The following TNRC18 variants were observed in gnomAD, a reference collection of about 807,000 sequenced individuals.
TNRC18 encodes trinucleotide repeat-containing gene 18 protein.
In TNRC18, 69 loss-of-function variants were observed where a neutral mutation model predicts 226.7. The ratio of observed to expected loss-of-function variants is 0.30; its 90% CI spans 0.25 to 0.37. The LOEUF is 0.37. Ranked by LOEUF, TNRC18 falls within the 10% of genes least tolerant of loss-of-function variation. TNRC18 has a pLI of 1.00. For synonymous variants in TNRC18, 2,449 were observed against 1,927.6 expected, an observed-to-expected ratio of 1.27 and a Z score of -7.09; for missense variants, 4,754 against 4,256.6, an observed-to-expected ratio of 1.12 and a Z score of -3.25.
intron 11 of TNRC18, among the ~76,000 whole-genome samples, chr7:5,368,532 T>C (rs1385305553): frequency 1.3e-5 from 2 of 151,480 alleles, no homozygotes; most frequent in East Asian, 1.9e-4. Flanking sequence ...GGCATGGTGG[T>C]GCGTGCCTGT....
chr7:5,325,490 C>T, intron 19 of TNRC18: 1 of 441,416 alleles, frequency 2.3e-6, no homozygotes, highest in East Asian at 5.0e-5. Flanking sequence ...GTGGCGCGAT[C>T]TTGGCTCACT....
Position 5,313,365 on chromosome 7 carries a change from C to G in TNRC18, c.7526G>C (p.Gly2509Ala), listed in dbSNP as rs779039381. 6.4e-7 allele frequency: 1 copy of G among 1,573,496 alleles called. No homozygotes were observed. Among genetic ancestry groups the G allele is most frequent in the South Asian group, 1.2e-5 (1 of 86,408 alleles). The change falls in exon 27 of 30, where the codon GGC (glycine) becomes GCC (alanine). Residue 2509 changes from glycine to alanine, a missense_variant. Transcript: ENST00000430969. ...CCAGGGTGCCTTGGGCTCGCTGCTGCCGGCCGCGGGGGGATAGCTGCCCAG... is the reference window on the plus strand; with the variant it reads ...CCAGGGTGCCTTGGGCTCGCTGCTGGCGGCCGCGGGGGGATAGCTGCCCAG... ...LSLGSYPPAA[G>A]SSEPKAPWPK...
Position 5,359,433 on chromosome 7 carries a change from C to A in TNRC18, c.4798G>T (p.Asp1600Tyr). The A allele has an allele frequency of 6.2e-7, 1 of 1,614,038 alleles. No homozygotes were observed. The highest frequency in any genetic ancestry group is 1.3e-5 in the African/African-American group (1 of 75,056). ...AAGTCCGACGAGGCCTCATGTTCAT[C>A]CCAAGTCTGGTTCCTCCCCCTGGCT... ...GKARGRNQTWDEHEASSDFIS... is the reference protein window; with the variant it reads ...GKARGRNQTWYEHEASSDFIS... The change falls in exon 15 of 30, where the codon GAT becomes TAT. Residue 1600 changes from aspartate (D) to tyrosine (Y), a missense_variant. Asp to Tyr is a radical substitution (Grantham distance 160, BLOSUM62 -3). Transcript: ENST00000430969.
intron 4 of TNRC18, 135 bp from the exon 5 acceptor site, chr7:5,389,471 T>TTTTTTTTTATTTTTTTC: frequency 1.1e-6 from 1 of 923,914 alleles, no homozygotes; most frequent in Non-Finnish European, 1.4e-6. Context: ...GTTTTTTTTT[T>TTTTTTTTTATTTTTTTC]CAGAAAGAGT....
At position 5,345,517 on chromosome 7, in the gene TNRC18, G is replaced by GGCCCCCCCCCCCCC; in HGVS notation, c.5719+44_5719+45insGGGGGGGGGGGGGC. ...CCTGTGGGATGGGGCAATGGCGTCC[G>GGCCCCCCCCCCCCC]CCCCTCCCACCCACCCCCACCGCAG... is the stretch of plus-strand genomic sequence containing the variant. On this transcript the variant is annotated intron_variant, in intron 18 of 29. Coordinates refer to ENST00000430969, the MANE Select transcript of TNRC18 (RefSeq NM_001080495.3). The GGCCCCCCCCCCCCC allele has an allele frequency of 1.4e-4, 52 of 377,740 alleles. 4 individuals carry two copies. Among genetic ancestry groups the GGCCCCCCCCCCCCC allele is most frequent in the Middle Eastern group, 7.4e-4 (1 of 1,360 alleles). 23.4% of individuals were successfully genotyped at this position (377,740 alleles called of 1,614,324 possible).
rs1014432002 is a variant in TNRC18, at chr7:5,405,635, C to T, written c.188-11040G>A. Among the ~76,000 whole-genome samples, 6 of 150,996 alleles carry T rather than the reference C, an allele frequency of 4.0e-5. No individual in the cohort carries two copies. The East Asian group carries it at 5.9e-4, about 15-fold the overall frequency. On this transcript the variant is annotated intron_variant, in intron 2 of 29. Coordinates refer to ENST00000430969, the MANE Select transcript of TNRC18 (RefSeq NM_001080495.3). ...GCTTGTGCCTGTAGTCCCAGCTACGCGGGAGGTTGAGACAGGAGAATCACG... is the reference window on the plus strand; with the variant it reads ...GCTTGTGCCTGTAGTCCCAGCTACGTGGGAGGTTGAGACAGGAGAATCACG...
rs572827140 is a variant in TNRC18, at chr7:5,333,036, C to T, written c.5733G>A (p.Glu1911=). 26 of 1,576,706 alleles carry T rather than the reference C, an allele frequency of 1.6e-5. No homozygotes were observed. The highest frequency in any genetic ancestry group is 2.2e-5 in the Non-Finnish European group (26 of 1,169,494). Residue 1911 remains glutamate (E), a synonymous_variant, in exon 19 of 30, where the codon GAG becomes GAA. Coordinates refer to ENST00000430969, the MANE Select transcript of TNRC18 (RefSeq NM_001080495.3). Reference sequence around the variant, plus strand: ...TGACCTCGCTCTCTGAGTCGGTGTACTCGAACTCTGTGCCTGAACGCGGGA... The same window carrying T: ...TGACCTCGCTCTCTGAGTCGGTGTATTCGAACTCTGTGCCTGAACGCGGGA... The part of the protein sequence containing the change: ...ERQSLLGTEF[E]YTDSESEVKV...
In TNRC18 at chr7:5,320,435, G is replaced by T. The variant is rs1788228106; in HGVS notation, c.6637-9C>A. The stretch of plus-strand genomic sequence containing the variant: ...GGCCTCACATCGATGATCTAGAAGG[G>T]CATGGGATGAGTGCAAGGTGTGGAC... On this transcript the variant is annotated splice_polypyrimidine_tract_variant and intron_variant, in intron 23 of 29. Coordinates refer to ENST00000430969, the MANE Select transcript of TNRC18 (RefSeq NM_001080495.3). 3.2e-6 allele frequency: 5 copies of T among 1,561,862 alleles called. No individual in the cohort carries two copies. The highest frequency in any genetic ancestry group is 3.5e-6 in the Non-Finnish European group (4 of 1,153,082).
In TNRC18 at chr7:5,370,709, G is replaced by A. The variant is rs1437588828; in HGVS notation, c.3885C>T (p.Asp1295=). The change falls in exon 11 of 30, where the codon GAC becomes GAT. Residue 1295 remains aspartate (D), a synonymous_variant. Transcript: ENST00000430969. ...GTCCCTCCCCGGCGGGCACGTCACA[G>A]TCTGACATTTCTAGGGTGGGCTGGG... The part of the protein sequence containing the change: ...SESQPTLEMS[D]CDVPAGEGQC... 2 of 1,609,930 alleles carry A rather than the reference G, an allele frequency of 1.2e-6. No homozygotes were observed. The highest frequency in any genetic ancestry group is 2.7e-5 in the African/African-American group (2 of 74,846).
At chr7:5,319,366 C>G (rs568952116) in intron 24 of TNRC18, among the ~76,000 whole-genome samples, 18 of 152,160 alleles carry the variant, frequency 1.2e-4, no homozygotes, top group African/African-American at 4.3e-4. Flanking sequence ...CGGGGTTTGT[C>G]TAATCCACAT....
chr7:5,421,915 C>G (rs1345688626), intron 1 of TNRC18, among the ~76,000 whole-genome samples: 1 of 152,258 alleles, frequency 6.6e-6, no homozygotes, highest in African/African-American at 2.4e-5. Flanking sequence ...TCTCCCAAAA[C>G]ACTCTGGCAC....
chr7:5,358,791 G>C (rs1792723529), intron 15 of TNRC18, among the ~76,000 whole-genome samples: 1 of 152,036 alleles, frequency 6.6e-6, no homozygotes, highest in African/African-American at 2.4e-5. Context: ...TCCAGCCTGG[G>C]TGACTGAGTG....
intron 17 of TNRC18, among the ~76,000 whole-genome samples, chr7:5,349,901 C>A (rs913565208): frequency 6.6e-6 from 1 of 152,042 alleles, no homozygotes; most frequent in South Asian, 2.1e-4. Flanking sequence ...TGGAGGGGGG[C>A]ACTGAGGAGC....
Position 5,308,595 on chromosome 7 carries a change from A to AAGAT in TNRC18, c.8700+276_8700+279dup, listed in dbSNP as rs1217658923. 3.3e-5 allele frequency among the ~76,000 whole-genome samples: 5 copies of AAGAT among 152,220 alleles called. No homozygotes were observed. In the East Asian group the frequency reaches 9.6e-4, roughly 29 times the overall value. ...AGACCCAGAGAGACACAGAGACTGA[A>AAGAT]AGATAGAGGTTGGGAGAGACCCAGA... On this transcript the variant is annotated intron_variant, in intron 29 of 29. Transcript: ENST00000430969.
chr7:5,390,388 C>G (rs1358815048), intron 4 of TNRC18, 97 bp downstream of exon 4: 1 of 1,238,308 alleles, frequency 8.1e-7, no homozygotes, highest in Non-Finnish European at 1.1e-6. Context: ...AAGCCAGCAT[C>G]CTGGACAGAG....
chr7:5,363,559 G>T (rs532293530), intron 11 of TNRC18, among the ~76,000 whole-genome samples: 1 of 152,076 alleles, frequency 6.6e-6, no homozygotes, highest in Non-Finnish European at 1.5e-5. Flanking sequence ...AGCCGAGATG[G>T]CGCCACTGCA....
rs1786637564 is a variant in TNRC18, at chr7:5,307,275, T to A, written c.*831A>T. On this transcript the variant is annotated 3_prime_UTR_variant, in exon 30 of 30. Coordinates refer to ENST00000430969, the MANE Select transcript of TNRC18 (RefSeq NM_001080495.3). ...AGTTTATATATATATTTATATATATTTATCTTTATATATATAATTAAAAAG... is the reference window on the plus strand; with the variant it reads ...AGTTTATATATATATTTATATATATATATCTTTATATATATAATTAAAAAG... 2 of 149,416 alleles carry A rather than the reference T, an allele frequency of 1.3e-5. No individual in the cohort carries two copies. Among genetic ancestry groups the A allele is most frequent in the African/African-American group, 2.4e-5 (1 of 41,020 alleles). The allele number at this position is 149,416 out of a possible 1,614,324, so 9.3% of individuals were successfully genotyped here.
chr7:5,390,852 C>T (rs916274697), intron 3 of TNRC18, among the ~76,000 whole-genome samples: 3 of 152,002 alleles, frequency 2.0e-5, no homozygotes, highest in African/African-American at 7.3e-5. Flanking sequence ...TCCAGTCCCC[C>T]CCAGAAAGAG....
At chr7:5,341,305 C>T (rs6962843) in intron 18 of TNRC18, among the ~76,000 whole-genome samples, 1 of 150,252 alleles carries the variant, frequency 6.7e-6, no homozygotes, top group Non-Finnish European at 1.5e-5. Flanking sequence ...TGTAGTCTCA[C>T]CTACTCGGGA....
Sources: gnomAD v4.1 joint callset for allele counts (sites outside exome capture counted in the v4.1 genomes callset) on GRCh38, gnomAD v4.1.1 for gene constraint, MANE v1.5 for transcripts, NCBI Gene and HGNC (gene_info 2026-07-23, HGNC 2026-07-21) for gene names.